The following LAMA1 variants were observed in gnomAD, a reference collection of about 807,000 sequenced individuals.
LAMA1 encodes the protein laminin subunit alpha-1.
Under a neutral mutation model 348.7 loss-of-function variants are expected in LAMA1, and 219 were observed. That is an observed-to-expected ratio of 0.63 (90% CI 0.56 to 0.70). LAMA1 has a LOEUF of 0.70. Among genes scored for constraint, LAMA1 ranks in the 30% least tolerant of loss-of-function variants. The pLI is 0.00. For missense variants in LAMA1, 3,744 were observed against 3,888.0 expected (o/e 0.96, Z 0.99); for synonymous variants, 1,487 against 1,491.0 (o/e 1.00, Z 0.06).
intron 18 of LAMA1, among the ~76,000 whole-genome samples, chr18:7,023,595 A>G (rs529821): frequency 0.48 from 73,122 of 151,874 alleles, 19,810 homozygotes; most frequent in African/African-American, 0.74. Context: ...TCCAGGGGAC[A>G]TGCACCTGTT....
rs797045184 is a variant in LAMA1, at chr18:6,977,724, C to G, written c.6345+3G>C. ...TACGAAAGCCACGGGGCCCCAAACT[C>G]ACAGAAGCTGCTTGTTTGCGGGCCT... On this transcript the variant is annotated splice_donor_region_variant and intron_variant, in intron 44 of 62. Coordinates refer to ENST00000389658, the MANE Select transcript of LAMA1 (RefSeq NM_005559.4). The G allele has an allele frequency of 6.2e-7, 1 of 1,614,054 alleles. No individual in the cohort carries two copies. Among genetic ancestry groups the G allele is most frequent in the Non-Finnish European group, 8.5e-7 (1 of 1,179,956 alleles).
chr18:7,043,147 CAG>C, intron 8 of LAMA1, 78 bp downstream of exon 8: 1 of 1,373,430 alleles, frequency 7.3e-7, no homozygotes, highest in Non-Finnish European at 1.0e-6. Flanking sequence ...GTCTCCAATA[CAG>C]AGGTTAAGAC....
intron 48 of LAMA1, among the ~76,000 whole-genome samples, chr18:6,967,397 A>C (rs2057638182): frequency 6.6e-6 from 1 of 152,194 alleles, no homozygotes; most frequent in Non-Finnish European, 1.5e-5. Context: ...ACCACAGTGC[A>C]TGTGCCGGAG....
Position 6,950,940 on chromosome 18 carries a change from C to T in LAMA1, c.8239G>A (p.Ala2747Thr), listed in dbSNP as rs769646665. The change falls in exon 58 of 63, where the codon GCC (alanine) becomes ACC (threonine). Residue 2747 changes from alanine (A) to threonine (T), a missense_variant. By Grantham distance (58) the Ala-to-Thr change is moderately conservative. Around this residue, in one of 3 missense-constraint regions of LAMA1, gnomAD observed 1,983 missense variants for 1,934.3 expected, o/e 1.03. Coordinates refer to ENST00000389658, the MANE Select transcript of LAMA1 (RefSeq NM_005559.4). ...ATGTAGTAAATCAGGCCGCTGGAGG[C>T]GAACGTGCGGATGCTTAGCTCAACC... ...LSVELSIRTF[A>T]SSGLIYYMAH... The T allele has an allele frequency of 3.1e-6, 5 of 1,613,926 alleles. No homozygotes were observed. The highest frequency in any genetic ancestry group is 1.6e-4 in the Middle Eastern group (1 of 6,084).
chr18:6,965,240 A>G (rs772783113), intron 50 of LAMA1, 48 bp downstream of exon 50: 226 of 1,611,834 alleles, frequency 1.4e-4, no homozygotes, highest in Non-Finnish European at 1.8e-4. Flanking sequence ...AAAGATTTCT[A>G]TTCTTATGAG....
In LAMA1 at chr18:6,948,525, TC is replaced by T; in HGVS notation, c.8587del (p.Asp2863MetfsTer2). On this transcript the variant is annotated frameshift_variant, in exon 60 of 63. Transcript: ENST00000389658. LOFTEE classifies it high-confidence loss of function. Reference sequence around the variant, plus strand: ...CAGCTGTTTGCTGTTAACCGTCACATCCCCAATGCAGGCAGGGATGCTGTGG... The same window carrying T: ...CAGCTGTTTGCTGTTAACCGTCACATCCCAATGCAGGCAGGGATGCTGTGG... ...ITHSIPACIG[D>X]VTVNSKQLDK... The T allele has an allele frequency of 6.2e-7, 1 of 1,614,138 alleles. No homozygotes were observed. Among genetic ancestry groups the T allele is most frequent in the African/African-American group, 1.3e-5 (1 of 75,028 alleles).
Position 6,955,464 on chromosome 18 carries a change from T to A in LAMA1, c.8096A>T (p.Glu2699Val). ...CAGAGCTGCATCCACCACACACTGTTCCTGTAAGAGACACACAGGGACACT... is the reference window on the plus strand; with the variant it reads ...CAGAGCTGCATCCACCACACACTGTACCTGTAAGAGACACACAGGGACACT... ...KLLPEPRAFPEQCVVDAALEY... is the reference protein window; with the variant it reads ...KLLPEPRAFPVQCVVDAALEY... The change falls in exon 57 of 63, where the codon GAA becomes GTA. Residue 2699 changes from glutamate (E) to valine (V), a missense_variant and splice_region_variant. By Grantham distance (121) the Glu-to-Val change is moderately radical (BLOSUM62 -2). Transcript: ENST00000389658. The A allele has an allele frequency of 3.1e-6, 5 of 1,611,036 alleles. No homozygotes were observed. The highest frequency in any genetic ancestry group is 4.2e-6 in the Non-Finnish European group (5 of 1,177,272).
chr18:6,970,951 A>G (rs139534940), intron 48 of LAMA1, among the ~76,000 whole-genome samples: 3 of 152,304 alleles, frequency 2.0e-5, no homozygotes, highest in Non-Finnish European at 4.4e-5. Flanking sequence ...AGGGGAAAAG[A>G]GAAGGCTTAA....
At chr18:7,027,772 A>T (rs1192899922) in intron 16 of LAMA1, among the ~76,000 whole-genome samples, 1 of 152,024 alleles carries the variant, frequency 6.6e-6, no homozygotes, top group Non-Finnish European at 1.5e-5. Flanking sequence ...GAGAAACCCC[A>T]TCTCTACTAA....
intron 53 of LAMA1, chr18:6,960,144 A>G (rs1432014720): frequency 6.3e-6 from 1 of 159,378 alleles, no homozygotes; most frequent in East Asian, 1.8e-4. Flanking sequence ...TAGAATTATC[A>G]TATAACCAGT....
intron 1 of LAMA1, among the ~76,000 whole-genome samples, chr18:7,087,644 A>C (rs1467253051): frequency 6.6e-6 from 1 of 152,204 alleles, no homozygotes; most frequent in East Asian, 1.9e-4. Flanking sequence ...TTTTTATATC[A>C]ATATGTATTT....
intron 51 of LAMA1, 25 bp from the exon 52 acceptor site, chr18:6,962,084 T>A (rs775067911): frequency 6.4e-7 from 1 of 1,562,878 alleles, no homozygotes; most frequent in Non-Finnish European, 8.8e-7. Flanking sequence ...ATGAGAACAA[T>A]CACAAAATTT....
intron 15 of LAMA1, among the ~76,000 whole-genome samples, chr18:7,032,464 G>A (rs2057974665): frequency 1.3e-5 from 2 of 152,082 alleles, no homozygotes; most frequent in African/African-American, 4.8e-5. Flanking sequence ...TTCTTGTTAT[G>A]GTATTAATAT....
rs1289004918 is a variant in LAMA1, at chr18:6,947,279, C to T, written c.8728G>A (p.Val2910Ile). Residue 2910 changes from valine to isoleucine, a missense_variant, in exon 61 of 63, where the codon GTC (valine) becomes ATC (isoleucine). Val to Ile is a conservative substitution (Grantham distance 29, BLOSUM62 3). Transcript: ENST00000389658. ...YAALVKEGYKVQSDVNITLEF... is the reference protein window; with the variant it reads ...YAALVKEGYKIQSDVNITLEF... ...AGTGTGATGTTCACATCTGACTGGA[C>T]TTTGTAGCCCTCTTTGACTGTAACA... 6.2e-7 allele frequency: 1 copy of T among 1,613,844 alleles called. No individual in the cohort carries two copies. Among genetic ancestry groups the T allele is most frequent in the Admixed American group, 1.7e-5 (1 of 60,024 alleles).
chr18:6,978,090 T>C, intron 43 of LAMA1, 106 bp downstream of exon 43: 1 of 1,470,918 alleles, frequency 6.8e-7, no homozygotes, highest in East Asian at 2.3e-5. Flanking sequence ...GTTAGCATAC[T>C]TCTACTTTTC....
intron 16 of LAMA1, among the ~76,000 whole-genome samples, chr18:7,027,620 T>C (rs1040189115): frequency 2.0e-5 from 3 of 151,652 alleles, no homozygotes; most frequent in Non-Finnish European, 2.9e-5. Context: ...CCACAAATCA[T>C]AGAGATGATG....
At chr18:7,091,439 C>A (rs1406081810) in intron 1 of LAMA1, among the ~76,000 whole-genome samples, 1 of 152,158 alleles carries the variant, frequency 6.6e-6, no homozygotes, top group Non-Finnish European at 1.5e-5. Flanking sequence ...ATGACACTTA[C>A]AATATTTATA....
chr18:7,094,522 A>C (rs536978631), intron 1 of LAMA1, among the ~76,000 whole-genome samples: 1 of 151,570 alleles, frequency 6.6e-6, no homozygotes, highest in South Asian at 2.1e-4. Context: ...CAAACTTGGC[A>C]CAAGATCATC....
chr18:6,944,706 T>C (rs2057514543), intron 61 of LAMA1, among the ~76,000 whole-genome samples: 2 of 152,140 alleles, frequency 1.3e-5, no homozygotes, highest in Admixed American at 1.3e-4. Flanking sequence ...TACTAACACA[T>C]TGATCTCGGA....
Sources: gnomAD v4.1 joint callset for allele counts (sites outside exome capture counted in the v4.1 genomes callset) on GRCh38, gnomAD v4.1.1 for gene constraint, gnomAD v4.1.1 regional missense constraint, MANE v1.5 for transcripts, NCBI Gene and HGNC (gene_info 2026-07-23, HGNC 2026-07-21) for gene names.